Variants in ARHGAP26 observed in about 807,000 individuals in gnomAD.
The protein encoded by ARHGAP26 is rho GTPase-activating protein 26.
ARHGAP26 carries 38 observed loss-of-function variants against 104.8 expected under a neutral mutation model. The observed-to-expected ratio is 0.36, with a 90% CI of 0.28 to 0.48. The LOEUF (loss-of-function observed/expected upper bound fraction) is 0.48, where lower values mean the gene tolerates loss of function less well. Ranked by LOEUF, ARHGAP26 falls within the 20% of genes least tolerant of loss-of-function variation. The pLI is 0.99. For missense variants in ARHGAP26, 704 were observed against 947.9 expected (o/e 0.74, Z 3.38); for synonymous variants, 341 against 340.0 (o/e 1.00, Z -0.03).
At chr5:143,128,847 G>T (rs1323345613) in intron 18 of ARHGAP26, among the ~76,000 whole-genome samples, 6 of 152,190 alleles carry the variant, frequency 3.9e-5, no homozygotes, top group African/African-American at 1.4e-4. Flanking sequence ...CTCTGCTGTT[G>T]ATTTATTGTC....
intron 11 of ARHGAP26, among the ~76,000 whole-genome samples, chr5:142,965,387 A>G (rs184873044): frequency 5.3e-4 from 80 of 152,272 alleles, no homozygotes; most frequent in Non-Finnish European, 1.0e-3. Context: ...TTGTTCCTTG[A>G]CACTTTTTGA....
In ARHGAP26 at chr5:142,804,799, A is replaced by G. The variant is rs536127909; in HGVS notation, c.154+33884A>G. Among the ~76,000 whole-genome samples, 4 of 149,268 alleles carry G rather than the reference A, an allele frequency of 2.7e-5. No homozygotes were observed. The South Asian group carries it at 8.5e-4, about 32-fold the overall frequency. On this transcript the variant is annotated intron_variant, in intron 1 of 22. Coordinates refer to ENST00000645722, the MANE Select transcript of ARHGAP26 (RefSeq NM_001135608.3). ...GAGCCACCATGCCCGGGCTGAACAG[A>G]TTTTTTTTTTTAAACTTTTTATTCA...
chr5:143,041,906 G>T lies in ARHGAP26; in HGVS notation c.1285+16G>T. 6.4e-7 allele frequency: 1 copy of T among 1,571,136 alleles called. No homozygotes were observed. The highest frequency in any genetic ancestry group is 8.6e-7 in the Non-Finnish European group (1 of 1,157,406). On this transcript the variant is annotated intron_variant, in intron 14 of 22. Coordinates refer to ENST00000645722, the MANE Select transcript of ARHGAP26 (RefSeq NM_001135608.3). ...GTCCTGATGGGTGAGTGCCGCAGTG[G>T]CTCTGCTAGGCAGGTCCCTGGATGG...
chr5:143,122,948 G>A (rs1167786386), intron 18 of ARHGAP26, among the ~76,000 whole-genome samples: 1 of 152,188 alleles, frequency 6.6e-6, no homozygotes, highest in Non-Finnish European at 1.5e-5. Context: ...AAATTATAGG[G>A]CATGTAATAA....
chr5:143,222,264 CA>C, intron 22 of ARHGAP26, 93 bp from the exon 23 acceptor site: 1 of 662,512 alleles, frequency 1.5e-6, no homozygotes, highest in South Asian at 3.3e-5. Context: ...CACACACACA[CA>C]CACACACACA....
At chr5:143,057,618 A>G in intron 16 of ARHGAP26, 24 bp from the exon 17 acceptor site, 11 of 1,600,992 alleles carry the variant, frequency 6.9e-6, no homozygotes, top group Middle Eastern at 1.7e-4. Flanking sequence ...CTGATAAGAT[A>G]TTACCTCCCT....
At chr5:143,004,692 C>T (rs75903547) in intron 11 of ARHGAP26, among the ~76,000 whole-genome samples, 3 of 152,160 alleles carry the variant, frequency 2.0e-5, no homozygotes, top group Non-Finnish European at 4.4e-5. Context: ...CATCACTGCC[C>T]TTTGAGAATC....
chr5:142,932,406 G>A lies in ARHGAP26; in HGVS notation c.1107+281G>A, dbSNP rs562100275. Among the ~76,000 whole-genome samples the A allele has an allele frequency of 1.9e-4, 29 of 152,266 alleles. No homozygotes were observed. In the South Asian group the frequency reaches 5.8e-3, roughly 30 times the overall value. ...TCATTGACTTCTGGTTCAGCCTCCCGTAGTAACTTACCTCCCCTTATAAGC... is the reference window on the plus strand; with the variant it reads ...TCATTGACTTCTGGTTCAGCCTCCCATAGTAACTTACCTCCCCTTATAAGC... On this transcript the variant is annotated intron_variant, in intron 11 of 22. Transcript: ENST00000645722.
chr5:142,895,884 A>G (rs1759411585), intron 6 of ARHGAP26, among the ~76,000 whole-genome samples: 1 of 152,230 alleles, frequency 6.6e-6, no homozygotes, highest in African/African-American at 2.4e-5. Flanking sequence ...ATCTTTTACT[A>G]TGCTAGAACT....
chr5:142,978,221 G>A (rs1349529370), intron 11 of ARHGAP26, among the ~76,000 whole-genome samples: 1 of 152,188 alleles, frequency 6.6e-6, no homozygotes, highest in African/African-American at 2.4e-5. Flanking sequence ...AAGGCCATGA[G>A]TGGTAGGTCA....
chr5:142,976,022 G>C (rs1015985133), intron 11 of ARHGAP26, among the ~76,000 whole-genome samples: 1 of 152,324 alleles, frequency 6.6e-6, no homozygotes, highest in East Asian at 1.9e-4. Flanking sequence ...TTTAAACAAA[G>C]CAAAGTATAT....
At chr5:143,120,052 A>G (rs1795957792) in intron 17 of ARHGAP26, among the ~76,000 whole-genome samples, 1 of 152,234 alleles carries the variant, frequency 6.6e-6, no homozygotes, top group Non-Finnish European at 1.5e-5. Flanking sequence ...TCAAGTTAGT[A>G]ATGAATAGCT....
intron 22 of ARHGAP26, among the ~76,000 whole-genome samples, chr5:143,218,121 T>G (rs188895923): frequency 4.9e-4 from 75 of 152,112 alleles, no homozygotes; most frequent in African/African-American, 1.7e-3. Context: ...CATGCCTTTG[T>G]GTCTGCGTGT....
intron 1 of ARHGAP26, among the ~76,000 whole-genome samples, chr5:142,842,223 G>C (rs1281946875): frequency 1.3e-5 from 2 of 152,036 alleles, no homozygotes; most frequent in East Asian, 3.8e-4. Flanking sequence ...ATTCTTCTGT[G>C]GTCACCTTTC....
intron 11 of ARHGAP26, among the ~76,000 whole-genome samples, chr5:142,958,929 A>C (rs1474275376): frequency 6.6e-6 from 1 of 151,898 alleles, no homozygotes; most frequent in Non-Finnish European, 1.5e-5. Context: ...AGAAAAAAAA[A>C]AAGAAAGGAA....
intron 11 of ARHGAP26, among the ~76,000 whole-genome samples, chr5:143,005,576 T>G (rs1438724): frequency 0.75 from 113,624 of 152,102 alleles, 43,372 homozygotes; most frequent in Middle Eastern, 0.83. Context: ...GAAAAAGAGG[T>G]GCATGGATGT....
Position 143,043,969 on chromosome 5 carries a change from A to G in ARHGAP26, c.1285+2079A>G, listed in dbSNP as rs569773796. On this transcript the variant is annotated intron_variant, in intron 14 of 22. Coordinates refer to ENST00000645722, the MANE Select transcript of ARHGAP26 (RefSeq NM_001135608.3). ...TATTGATTCTATGATTATTATTTTA[A>G]TATTTCTGAAAGACTTAACTTGAGG... Among the ~76,000 whole-genome samples, 21 of 152,344 alleles carry G rather than the reference A, an allele frequency of 1.4e-4. 1 individual carries two copies. The South Asian group carries it at 4.4e-3, about 32-fold the overall frequency.
At chr5:142,778,328 C>T (rs930682236) in intron 1 of ARHGAP26, among the ~76,000 whole-genome samples, 17 of 152,168 alleles carry the variant, frequency 1.1e-4, no homozygotes, top group African/African-American at 4.1e-4. Context: ...TTCCTGAATA[C>T]ATTCTCATGC....
intron 3 of ARHGAP26, among the ~76,000 whole-genome samples, chr5:142,878,421 A>G (rs1293448057): frequency 6.6e-6 from 1 of 152,184 alleles, no homozygotes; most frequent in Non-Finnish European, 1.5e-5. Context: ...CCATTCATTC[A>G]TTTAGTCGTT....
Sources: gnomAD v4.1 joint callset for allele counts (sites outside exome capture counted in the v4.1 genomes callset) on GRCh38, gnomAD v4.1.1 for gene constraint, MANE v1.5 for transcripts, NCBI Gene and HGNC (gene_info 2026-07-23, HGNC 2026-07-21) for gene names.